The following DECR2 variants were observed in gnomAD, a reference collection of about 807,000 sequenced individuals.
DECR2 encodes peroxisomal 2,4-dienoyl-CoA reductase [(3E)-enoyl-CoA-producing].
Under a neutral mutation model 29.2 loss-of-function variants are expected in DECR2, and 34 were observed. That is an observed-to-expected ratio of 1.16 (90% CI 0.89 to 1.55). The LOEUF (loss-of-function observed/expected upper bound fraction) is 1.55, where lower values mean the gene tolerates loss of function less well. Among genes scored for constraint, DECR2 ranks in the 40% most tolerant of loss-of-function variants. The pLI, the probability that DECR2 is intolerant of heterozygous loss-of-function variation, is 0.00. For missense variants in DECR2, 485 were observed against 425.3 expected (o/e 1.14, Z -1.23); for synonymous variants, 224 against 182.7 (o/e 1.23, Z -1.82).
intron 1 of DECR2, among the ~76,000 whole-genome samples, chr16:403,921 C>T (rs2054695310): frequency 6.6e-6 from 1 of 152,046 alleles, no homozygotes; most frequent in Admixed American, 6.6e-5. Context: ...TGCCTGTAAT[C>T]CCAGCACTTT....
intron 3 of DECR2, 100 bp downstream of exon 3, chr16:406,497 C>G: frequency 7.6e-7 from 1 of 1,312,400 alleles, no homozygotes; most frequent in Non-Finnish European, 1.1e-6. Context: ...GATGTTGGCA[C>G]CAAAACTTTT....
intron 7 of DECR2, 32 bp downstream of exon 7, chr16:411,108 A>G: frequency 6.8e-7 from 1 of 1,472,230 alleles, no homozygotes; most frequent in Non-Finnish European, 9.0e-7. Context: ...GGCCTCCCAC[A>G]GATCCTCTCC....
intron 4 of DECR2, among the ~76,000 whole-genome samples, chr16:408,253 C>T (rs1238702880): frequency 1.3e-5 from 2 of 150,962 alleles, no homozygotes; most frequent in Admixed American, 1.3e-4. Context: ...GTCTCCGGCC[C>T]CCTGTCTCTG....
rs183739840 is a variant in DECR2, at chr16:402,737, T to G, written c.80+694T>G. On this transcript the variant is annotated intron_variant, in intron 1 of 8. Transcript: ENST00000219481. ...AGTGGCTCACGCCTGTAATCCCAGC[T>G]CTTTGGGAGGCCGAAGCGGGTAGAT... Among the ~76,000 whole-genome samples, 99 of 151,934 alleles carry G rather than the reference T, an allele frequency of 6.5e-4. 2 individuals carry two copies. The highest frequency in any genetic ancestry group is 6.0e-3 in the South Asian group (29 of 4,806).
intron 1 of DECR2, chr16:402,909 C>T (rs1371062619): frequency 2.6e-5 from 10 of 382,430 alleles, no homozygotes; most frequent in Non-Finnish European, 3.6e-5. Context: ...CACTTGAACT[C>T]GGGAGGTGGA....
At position 404,903 on chromosome 16, in the gene DECR2, AC is replaced by A; in HGVS notation, c.81-51del. 4 of 1,599,914 alleles carry A rather than the reference AC, an allele frequency of 2.5e-6. No individual in the cohort carries two copies. In the South Asian group the frequency reaches 4.4e-5, roughly 18 times the overall value. On this transcript the variant is annotated intron_variant, in intron 1 of 8. Coordinates refer to ENST00000219481, the MANE Select transcript of DECR2 (RefSeq NM_020664.4). ...TTGGCCTTCCAAAGTGCTGGGAGCCACCGGCCCGGCCCAATAGGGCTCTTTT... is the reference window on the plus strand; with the variant it reads ...TTGGCCTTCCAAAGTGCTGGGAGCCACGGCCCGGCCCAATAGGGCTCTTTT...
chr16:410,812 T>G lies in DECR2; in HGVS notation c.556+28T>G. Reference sequence around the variant, plus strand: ...ATGACCACCCCCCCCCGCCCAGGTTTGCCCACGTGGGTCCCCAATGGGCCG... The same window carrying G: ...ATGACCACCCCCCCCCGCCCAGGTTGGCCCACGTGGGTCCCCAATGGGCCG... On this transcript the variant is annotated intron_variant, in intron 6 of 8. Coordinates refer to ENST00000219481, the MANE Select transcript of DECR2 (RefSeq NM_020664.4). This position sits in a 1 kb window ranked among gnomAD's most constrained non-coding sequence, Gnocchi z 4.1. 1 of 1,555,764 alleles carries G rather than the reference T, an allele frequency of 6.4e-7. No homozygotes were observed. The highest frequency in any genetic ancestry group is 8.7e-7 in the Non-Finnish European group (1 of 1,149,778).
chr16:403,310 G>A (rs1382084443), intron 1 of DECR2, among the ~76,000 whole-genome samples: 1 of 152,114 alleles, frequency 6.6e-6, no homozygotes, highest in Non-Finnish European at 1.5e-5. Flanking sequence ...GTGAGACGCT[G>A]CACCTGGCCC....
chr16:411,382 G>C lies in DECR2; in HGVS notation c.683G>C (p.Ser228Thr), dbSNP rs1200922698. The C allele has an allele frequency of 1.2e-6, 2 of 1,609,980 alleles. No individual in the cohort carries two copies. The highest frequency in any genetic ancestry group is 2.7e-5 in the African/African-American group (2 of 74,924). Reference sequence around the variant, plus strand: ...CCAGGTGGCCCTCAGGCCAGCCTGAGCACCAAGGTCACTGCCAGCCCGCTG... The same window carrying C: ...CCAGGTGGCCCTCAGGCCAGCCTGACCACCAAGGTCACTGCCAGCCCGCTG... ...RRLGGPQASL[S>T]TKVTASPLQR... Residue 228 changes from serine (S) to threonine (T), a missense_variant, in exon 8 of 9, where the codon AGC becomes ACC. Coordinates refer to ENST00000219481, the MANE Select transcript of DECR2 (RefSeq NM_020664.4).
At chr16:402,144 C>A (rs2054674032) in intron 1 of DECR2, 101 bp downstream of exon 1, 2 of 904,424 alleles carry the variant, frequency 2.2e-6, no homozygotes, top group African/African-American at 1.8e-5. Context: ...GTTAGGAAAC[C>A]TGTCTTGCCT....
chr16:402,871 A>G (rs1399852280), intron 1 of DECR2: 1 of 203,596 alleles, frequency 4.9e-6, no homozygotes, highest in Non-Finnish European at 8.7e-6. Context: ...TGTAATCCCA[A>G]CTACTTGGGA....
At chr16:405,135 C>G in intron 2 of DECR2, 111 bp downstream of exon 2, 1 of 1,334,400 alleles carries the variant, frequency 7.5e-7, no homozygotes, top group Non-Finnish European at 1.1e-6. Flanking sequence ...CCCTGCTCAC[C>G]TACCCGACAG....
chr16:406,567 G>C (rs921668710), intron 3 of DECR2, 170 bp downstream of exon 3: 1 of 683,230 alleles, frequency 1.5e-6, no homozygotes, highest in African/African-American at 1.8e-5. Context: ...GTGCGATCTC[G>C]GCTCACTGCA....
chr16:405,691 C>T (rs1258839439), intron 2 of DECR2: 2 of 1,082,880 alleles, frequency 1.8e-6, no homozygotes, highest in Admixed American at 4.6e-5. Flanking sequence ...AATTTGTGGG[C>T]AGAAGCGTAG....
At chr16:409,944 C>T (rs1025827072) in intron 4 of DECR2, 19 of 413,430 alleles carry the variant, frequency 4.6e-5, no homozygotes, top group South Asian at 6.7e-5. Flanking sequence ...CACCCTAATT[C>T]GTTGTGACTT....
chr16:411,489 G>A lies in DECR2; in HGVS notation c.790G>A (p.Val264Met), dbSNP rs770346115. Reference sequence around the variant, plus strand: ...TCTGGCTTCCTACGTGACGGGGGCCGTGCTGGTGGCCGATGGCGGGGCATG... The same window carrying A: ...TCTGGCTTCCTACGTGACGGGGGCCATGCTGGTGGCCGATGGCGGGGCATG... ...SPLASYVTGA[V>M]LVADGGAWLT... The change falls in exon 8 of 9, where the codon GTG (valine) becomes ATG (methionine). Residue 264 changes from valine to methionine, a missense_variant. Transcript: ENST00000219481. 20 of 1,613,884 alleles carry A rather than the reference G, an allele frequency of 1.2e-5. No individual in the cohort carries two copies. Among genetic ancestry groups the A allele is most frequent in the Non-Finnish European group, 1.4e-5 (17 of 1,180,016 alleles).
At chr16:402,412 G>A (rs541529199) in intron 1 of DECR2, among the ~76,000 whole-genome samples, 2 of 152,016 alleles carry the variant, frequency 1.3e-5, no homozygotes, top group East Asian at 3.9e-4. Flanking sequence ...GGGATTTACA[G>A]GCGTGAGCCA....
In DECR2 at chr16:411,083, C is replaced by A; in HGVS notation, c.661+7C>A. ...GAGGGGCTCCGGCGACTGGGTAAGGCTCTCAGGGAGCCCAGGCCTCCCACA... is the reference window on the plus strand; with the variant it reads ...GAGGGGCTCCGGCGACTGGGTAAGGATCTCAGGGAGCCCAGGCCTCCCACA... On this transcript the variant is annotated splice_region_variant and intron_variant, in intron 7 of 8. Transcript: ENST00000219481. 1 of 1,509,130 alleles carries A rather than the reference C, an allele frequency of 6.6e-7. No individual in the cohort carries two copies. The highest frequency in any genetic ancestry group is 8.8e-7 in the Non-Finnish European group (1 of 1,132,224). 93.5% of individuals were successfully genotyped at this position (1,509,130 alleles called of 1,614,324 possible).
At chr16:406,531 T>G in intron 3 of DECR2, 134 bp downstream of exon 3, 1 of 838,064 alleles carries the variant, frequency 1.2e-6, no homozygotes, top group Non-Finnish European at 1.9e-6. Context: ...GGAGTCTCGC[T>G]CTGTCACCCA....
Sources: gnomAD v4.1 joint callset for allele counts (sites outside exome capture counted in the v4.1 genomes callset) on GRCh38, gnomAD v4.1.1 for gene constraint, Gnocchi (gnomAD v3.1) non-coding constraint, MANE v1.5 for transcripts, NCBI Gene and HGNC (gene_info 2026-07-23, HGNC 2026-07-21) for gene names.